EPHA6: variants seen among roughly 807,000 people sequenced by gnomAD.
EPHA6 encodes EPH receptor A6.
Under a neutral mutation model 112.0 loss-of-function variants are expected in EPHA6, and 50 were observed. That is an observed-to-expected ratio of 0.45 (90% CI 0.36 to 0.56). The LOEUF is 0.56. Ranked by LOEUF, EPHA6 falls within the 20% of genes least tolerant of loss-of-function variation. EPHA6 has a pLI of 0.00. For missense variants in EPHA6, 1,280 were observed against 1,417.4 expected (o/e 0.90, Z 1.56); for synonymous variants, 529 against 490.7 (o/e 1.08, Z -1.03).
intron 2 of EPHA6, among the ~76,000 whole-genome samples, chr3:96,953,524 T>G (rs2107727984): frequency 6.6e-6 from 1 of 152,318 alleles, no homozygotes; most frequent in South Asian, 2.1e-4. Flanking sequence ...CCTGCATACA[T>G]TTATAGAAGA....
At chr3:97,247,487 C>T (rs2079017452) in intron 5 of EPHA6, among the ~76,000 whole-genome samples, 1 of 151,706 alleles carries the variant, frequency 6.6e-6, no homozygotes, top group Non-Finnish European at 1.5e-5. Flanking sequence ...GTTGGGGGGC[C>T]ATCTTACCAA....
At chr3:97,352,736 T>C (rs2083878334) in intron 5 of EPHA6, among the ~76,000 whole-genome samples, 1 of 152,124 alleles carries the variant, frequency 6.6e-6, no homozygotes, top group Non-Finnish European at 1.5e-5. Flanking sequence ...CTGCAATTCC[T>C]AGGGAGGTCT....
Position 97,560,169 on chromosome 3 carries a change from A to G in EPHA6, c.2386+27626A>G, listed in dbSNP as rs1488549745. 2.6e-5 allele frequency among the ~76,000 whole-genome samples: 4 copies of G among 151,948 alleles called. No individual in the cohort carries two copies. The East Asian group carries it at 7.7e-4, about 29-fold the overall frequency. On this transcript the variant is annotated intron_variant, in intron 11 of 17. Coordinates refer to ENST00000389672, the MANE Select transcript of EPHA6 (RefSeq NM_001080448.3). ...AAATCATGATTGAAATAAAAAAAAA[A>G]GAATCCATGGAATAGAAAGTTGTGG...
intron 3 of EPHA6, among the ~76,000 whole-genome samples, chr3:97,101,475 G>C (rs1191035577): frequency 6.6e-6 from 1 of 151,954 alleles, no homozygotes; most frequent in African/African-American, 2.4e-5. Context: ...ATATTTGACT[G>C]GGTGTCATGT....
intron 13 of EPHA6, among the ~76,000 whole-genome samples, chr3:97,624,394 T>C (rs1243684327): frequency 1.3e-5 from 2 of 151,674 alleles, no homozygotes; most frequent in African/African-American, 2.4e-5. Flanking sequence ...TTAATTTGAA[T>C]TAATTCAATT....
At chr3:97,481,552 G>T (rs878977398) in intron 9 of EPHA6, 3 of 719,554 alleles carry the variant, frequency 4.2e-6, no homozygotes, top group East Asian at 3.1e-5. Context: ...TAGAGCCGCC[G>T]GGGCGCGGCG....
At chr3:97,055,612 G>T (rs2045827439) in intron 3 of EPHA6, among the ~76,000 whole-genome samples, 1 of 152,106 alleles carries the variant, frequency 6.6e-6, no homozygotes, top group Non-Finnish European at 1.5e-5. Context: ...ATGCTTGTTA[G>T]ATAAAATGTA....
chr3:97,178,065 G>T (rs115035827), intron 3 of EPHA6, among the ~76,000 whole-genome samples: 1 of 151,966 alleles, frequency 6.6e-6, no homozygotes, highest in Admixed American at 6.6e-5. Flanking sequence ...AAGTGAAGAT[G>T]ATTTTTCTGG....
chr3:97,000,287 A>ACACACACACACATATATAGC (rs138184966), intron 3 of EPHA6, among the ~76,000 whole-genome samples: 29 of 147,200 alleles, frequency 2.0e-4, no homozygotes, highest in African/African-American at 6.4e-4. Context: ...ACACACACAC[A>ACACACACACACATATATAGC]CACACATATA....
At chr3:97,657,889 T>A (rs2094146150) in intron 14 of EPHA6, among the ~76,000 whole-genome samples, 1 of 151,822 alleles carries the variant, frequency 6.6e-6, no homozygotes, top group Non-Finnish European at 1.5e-5. Context: ...AAGAGTTCCA[T>A]CTTGATTAAC....
chr3:97,752,746 T>A lies in EPHA6; in HGVS notation c.*4045T>A, dbSNP rs2035931779. On this transcript the variant is annotated 3_prime_UTR_variant, in exon 18 of 18. Coordinates refer to ENST00000389672, the MANE Select transcript of EPHA6 (RefSeq NM_001080448.3). ...AAAGTAATTTTGAAATGGATGATGA[T>A]GATCCTTTTTAATTGCTTTAACTAA... is the stretch of plus-strand genomic sequence containing the variant. 1.3e-5 allele frequency among the ~76,000 whole-genome samples: 2 copies of A among 152,118 alleles called. No homozygotes were observed. Among genetic ancestry groups the A allele is most frequent in the Non-Finnish European group, 2.9e-5 (2 of 67,976 alleles).
chr3:97,655,575 C>G (rs922660936), intron 14 of EPHA6, among the ~76,000 whole-genome samples: 3 of 151,800 alleles, frequency 2.0e-5, no homozygotes, highest in Non-Finnish European at 4.4e-5. Flanking sequence ...GTGAATAGTG[C>G]CGCAATAAAC....
chr3:97,086,888 G>T (rs1384613499), intron 3 of EPHA6, among the ~76,000 whole-genome samples: 1 of 151,872 alleles, frequency 6.6e-6, no homozygotes, highest in East Asian at 1.9e-4. Flanking sequence ...TTATTGAATT[G>T]CATATTATTA....
At chr3:97,427,015 GTTA>G (rs2089173367) in intron 6 of EPHA6, among the ~76,000 whole-genome samples, 1 of 152,090 alleles carries the variant, frequency 6.6e-6, no homozygotes. Flanking sequence ...AGTCAGAATG[GTTA>G]TTATTAAAAA....
chr3:97,203,706 C>A (rs2077639187), intron 3 of EPHA6, among the ~76,000 whole-genome samples: 1 of 152,092 alleles, frequency 6.6e-6, no homozygotes, highest in African/African-American at 2.4e-5. Flanking sequence ...ATCTCAAGTA[C>A]TAATCCAAGG....
chr3:97,669,599 A>C (rs1201207485), intron 14 of EPHA6, among the ~76,000 whole-genome samples: 1 of 151,708 alleles, frequency 6.6e-6, no homozygotes, highest in Non-Finnish European at 1.5e-5. Flanking sequence ...CCATCTTAAA[A>C]AAAAAAAAAA....
chr3:96,932,779 G>A (rs556045799), intron 2 of EPHA6, among the ~76,000 whole-genome samples: 4 of 152,080 alleles, frequency 2.6e-5, no homozygotes, highest in South Asian at 4.1e-4. Flanking sequence ...GTAAAAAATA[G>A]TGTGTTTTTG....
intron 16 of EPHA6, among the ~76,000 whole-genome samples, chr3:97,742,510 C>G (rs910524364): frequency 1.3e-5 from 2 of 152,004 alleles, no homozygotes; most frequent in Admixed American, 1.3e-4. Context: ...ATATTTTTCA[C>G]TAGTTATCAG....
In EPHA6 at chr3:97,083,390, C is replaced by T. The variant is rs990666735; in HGVS notation, c.1114+95397C>T. Among the ~76,000 whole-genome samples the T allele has an allele frequency of 4.6e-5, 7 of 152,002 alleles. 1 individual carries two copies. Among genetic ancestry groups the T allele is most frequent in the Middle Eastern group, 6.8e-3 (2 of 294 alleles). On this transcript the variant is annotated intron_variant, in intron 3 of 17. Coordinates refer to ENST00000389672, the MANE Select transcript of EPHA6 (RefSeq NM_001080448.3). Reference sequence around the variant, plus strand: ...TAATAATTGAAGATTATTGACCATTCGTTAGCTTTGACGCTCTTTGGTATT... The same window carrying T: ...TAATAATTGAAGATTATTGACCATTTGTTAGCTTTGACGCTCTTTGGTATT...
Sources: allele counts gnomAD v4.1 joint callset (sites outside exome capture counted in the v4.1 genomes callset), GRCh38; gene constraint gnomAD v4.1.1; transcripts MANE v1.5; gene names NCBI Gene and HGNC (gene_info 2026-07-23, HGNC 2026-07-21).